WNK2: variants seen among roughly 807,000 people sequenced by gnomAD.
The protein encoded by WNK2 is WNK lysine deficient protein kinase 2.
WNK2 carries 67 observed loss-of-function variants against 192.1 expected under a neutral mutation model. The observed-to-expected ratio is 0.35, with a 90% CI of 0.29 to 0.43. The LOEUF (loss-of-function observed/expected upper bound fraction) is 0.43, where lower values mean the gene tolerates loss of function less well. Among genes scored for constraint, WNK2 ranks in the 20% least tolerant of loss-of-function variants. The pLI, the probability that WNK2 is intolerant of heterozygous loss-of-function variation, is 1.00. For synonymous variants in WNK2, 1,439 were observed against 1,393.9 expected (o/e 1.03, Z -0.72); for missense variants, 2,698 against 3,089.7 (o/e 0.87, Z 3.01).
At chr9:93,228,864 G>T (rs921632504) in intron 2 of WNK2, among the ~76,000 whole-genome samples, 1 of 152,186 alleles carries the variant, frequency 6.6e-6, no homozygotes, top group African/African-American at 2.4e-5. Context: ...GGCGAGGGAT[G>T]GGTGAGCTCA....
intron 25 of WNK2, 59 bp from the exon 26 acceptor site, chr9:93,299,992 G>A (rs751641077): frequency 6.9e-6 from 10 of 1,449,152 alleles, no homozygotes; most frequent in Middle Eastern, 1.7e-4. Flanking sequence ...AGGAGGAATC[G>A]CAGCAACCTG....
chr9:93,318,442 C>G (rs771789174), intron 29 of WNK2: 1 of 1,614,106 alleles, frequency 6.2e-7, no homozygotes, highest in South Asian at 1.1e-5. Flanking sequence ...GCAGGGCACA[C>G]TGGCGGAGCT....
chr9:93,233,483 G>A lies in WNK2; in HGVS notation c.1076-1325G>A, dbSNP rs112631485. 6.6e-4 allele frequency among the ~76,000 whole-genome samples: 100 copies of A among 152,150 alleles called. 1 individual carries two copies. Among genetic ancestry groups the A allele is most frequent in the African/African-American group, 2.1e-3 (89 of 41,520 alleles). ...GGCTGAGGCGGGCGGATCATTTGAG[G>A]TCAGAAGTTCGAGAACAGCCTGACC... On this transcript the variant is annotated intron_variant, in intron 4 of 29. Coordinates refer to ENST00000427277, the MANE Select transcript of WNK2 (RefSeq NM_006648.4).
chr9:93,205,733 G>A (rs1238824025), intron 2 of WNK2, among the ~76,000 whole-genome samples: 1 of 152,220 alleles, frequency 6.6e-6, no homozygotes, highest in Admixed American at 6.5e-5. Context: ...GAAGCTGGGG[G>A]CAGCCTTTGA....
In WNK2 at chr9:93,288,790, T is replaced by A; in HGVS notation, c.4036T>A (p.Ser1346Thr). 1 of 1,609,332 alleles carries A rather than the reference T, an allele frequency of 6.2e-7. No individual in the cohort carries two copies. The highest frequency in any genetic ancestry group is 8.5e-7 in the Non-Finnish European group (1 of 1,178,398). The change falls in exon 20 of 30, where the codon TCA (serine) becomes ACA (threonine). Residue 1346 changes from serine (S) to threonine (T), a missense_variant and splice_region_variant. Physicochemically the swap from Ser to Thr is moderately conservative, Grantham distance 58. This residue lies in a region of WNK2 where 1,098 missense variants were observed against 1,101.0 expected (regional missense o/e 1.00). Coordinates refer to ENST00000427277, the MANE Select transcript of WNK2 (RefSeq NM_006648.4). The stretch of plus-strand genomic sequence containing the variant: ...GGCATTTTCCCCATTTCTTCTAGAT[T>A]CAGCGCCCTATAAAGACCAGCTGTC... ...SSLPPEASQD[S>T]APYKDQLSSK... is the part of the protein sequence containing the mutation.
chr9:93,214,708 C>CA (rs1199428110), intron 2 of WNK2, among the ~76,000 whole-genome samples: 1 of 124,558 alleles, frequency 8.0e-6, no homozygotes, highest in Non-Finnish European at 1.7e-5. Context: ...CCCCCCCCCC[C>CA]CCCGCCCTCT....
rs752342230 is a variant in WNK2 at position 93,185,060 on chromosome 9, G to T, written c.131G>T (p.Arg44Leu). The change falls in exon 2 of 30, where the codon CGC (arginine) becomes CTC (leucine). Residue 44 changes from arginine to leucine, a missense_variant. By Grantham distance (102) the Arg-to-Leu change is moderately radical (BLOSUM62 -2). Coordinates refer to ENST00000427277, the MANE Select transcript of WNK2 (RefSeq NM_006648.4). The stretch of plus-strand genomic sequence containing the variant: ...CCGGGGCCCCAGCGCTTTCTGCGGC[G>T]CAGCGTGGTAGAGTCGGACCAGGAG... ...ARPGPQRFLR[R>L]SVVESDQEEP... The T allele has an allele frequency of 1.9e-5, 25 of 1,304,870 alleles. 1 individual carries two copies. In the South Asian group the frequency reaches 2.9e-4, roughly 15 times the overall value. The allele number at this position is 1,304,870 out of a possible 1,614,324, so 80.8% of individuals were successfully genotyped here. A position where few individuals can be genotyped will look rare whatever the true frequency, so the allele number is the denominator to read the frequency against.
chr9:93,289,145 C>A lies in WNK2; in HGVS notation c.4391C>A (p.Ser1464Ter). ...APCTPAPEAA[S>*]TRDASAPREP... ...TGCACTCCAGCTCCAGAGGCTGCCT[C>A]AACCAGGGACGCCAGTGCCCCAAGG... Residue 1464 changes from serine (S) to a stop codon, truncating the protein, a stop_gained, in exon 20 of 30, where the codon TCA becomes TAA. Coordinates refer to ENST00000427277, the MANE Select transcript of WNK2 (RefSeq NM_006648.4). LOFTEE classifies it high-confidence loss of function. 1 of 1,600,574 alleles carries A rather than the reference C, an allele frequency of 6.2e-7. No individual in the cohort carries two copies. The highest frequency in any genetic ancestry group is 1.1e-5 in the South Asian group (1 of 90,132).
chr9:93,233,979 G>A (rs549349700), intron 4 of WNK2, among the ~76,000 whole-genome samples: 13 of 152,290 alleles, frequency 8.5e-5, no homozygotes, highest in African/African-American at 3.1e-4. Context: ...GCTTATTATA[G>A]AGAATAGAGA....
Position 93,289,971 on chromosome 9 carries a change from T to C in WNK2, c.4867-7T>C, listed in dbSNP as rs113127981. 3.0e-5 allele frequency: 47 copies of C among 1,562,692 alleles called. No homozygotes were observed. In the African/African-American group the frequency reaches 4.7e-4, roughly 16 times the overall value. ...CGGCTCTTCTCTTTTTGTGTTTCTT[T>C]CTCCAGGTGGAGAAGTCAGAACTGG... On this transcript the variant is annotated splice_region_variant and splice_polypyrimidine_tract_variant and intron_variant, in intron 20 of 29. Coordinates refer to ENST00000427277, the MANE Select transcript of WNK2 (RefSeq NM_006648.4).
rs148538806 is a variant in WNK2, at chr9:93,298,850, A to G, written c.5924-220A>G. 5.6e-4 allele frequency among the ~76,000 whole-genome samples: 86 copies of G among 152,252 alleles called. 1 individual carries two copies. The East Asian group carries it at 0.015, about 27-fold the overall frequency. On this transcript the variant is annotated intron_variant, in intron 24 of 29. Transcript: ENST00000427277. Reference sequence around the variant, plus strand: ...TCTTCTGTCACTATATTTGCTCAACACAAGTCCAGCACGGCAGTGGGGGCT... The same window carrying G: ...TCTTCTGTCACTATATTTGCTCAACGCAAGTCCAGCACGGCAGTGGGGGCT...
chr9:93,189,232 A>T (rs779684363), intron 2 of WNK2, among the ~76,000 whole-genome samples: 5 of 152,156 alleles, frequency 3.3e-5, no homozygotes, highest in Non-Finnish European at 5.9e-5. Context: ...TAGGGGACAC[A>T]GGATCTTAGG....
chr9:93,202,939 T>C (rs533540910), intron 2 of WNK2, among the ~76,000 whole-genome samples: 2 of 152,280 alleles, frequency 1.3e-5, no homozygotes, highest in South Asian at 4.1e-4. Context: ...GGACCACATC[T>C]AAGGCCATTT....
In WNK2 at chr9:93,292,827, G is replaced by T; in HGVS notation, c.5362G>T (p.Val1788Leu). ...APSSPDVKLA[V>L]RRAQTASSIE... is the part of the protein sequence containing the mutation. ...CTCCAGCCCCGACGTGAAGCTGGCA[G>T]TGCGGCGGGCGCAGACGGCCTCCTC... Residue 1788 changes from valine to leucine, a missense_variant, in exon 23 of 30, where the codon GTG becomes TTG. By Grantham distance (32) the Val-to-Leu change is conservative. Around this residue, in one of 7 missense-constraint regions of WNK2, gnomAD observed 1,098 missense variants for 1,101.0 expected, o/e 1.00. Transcript: ENST00000427277. 1 of 1,514,966 alleles carries T rather than the reference G, an allele frequency of 6.6e-7. No individual in the cohort carries two copies. The highest frequency in any genetic ancestry group is 1.3e-5 in the South Asian group (1 of 79,596). The allele number at this position is 1,514,966 out of a possible 1,614,324, so 93.8% of individuals were successfully genotyped here.
intron 2 of WNK2, among the ~76,000 whole-genome samples, chr9:93,210,449 G>A (rs1345773375): frequency 1.3e-5 from 2 of 152,094 alleles, no homozygotes; most frequent in African/African-American, 4.8e-5. Flanking sequence ...GAGCGAGTGG[G>A]ACCACACTGT....
chr9:93,312,621 G>A (rs548163818), intron 28 of WNK2, among the ~76,000 whole-genome samples: 2 of 151,888 alleles, frequency 1.3e-5, no homozygotes, highest in Non-Finnish European at 1.5e-5. Flanking sequence ...CTCATGATCC[G>A]CCCGCCTCGG....
rs151187791 is a variant in WNK2, at chr9:93,251,645, G to A, written c.1835-1238G>A. ...GAATTGCTTGAGCCTGGGAGGTCAA[G>A]GCTGTAGTGAGCCGTGATCACACCA... is the stretch of plus-strand genomic sequence containing the variant. On this transcript the variant is annotated intron_variant, in intron 8 of 29. Coordinates refer to ENST00000427277, the MANE Select transcript of WNK2 (RefSeq NM_006648.4). Among the ~76,000 whole-genome samples the A allele has an allele frequency of 4.8e-3, 731 of 152,314 alleles. 24 individuals carry two copies. The East Asian group carries it at 0.093, about 19-fold the overall frequency.
At chr9:93,242,619 G>A (rs1840967543) in intron 7 of WNK2, among the ~76,000 whole-genome samples, 1 of 152,274 alleles carries the variant, frequency 6.6e-6, no homozygotes, top group Admixed American at 6.5e-5. Context: ...TGTAAGCTGA[G>A]GATTGGGATG....
At chr9:93,235,888 C>A (rs1025559174) in intron 5 of WNK2, among the ~76,000 whole-genome samples, 1 of 152,258 alleles carries the variant, frequency 6.6e-6, no homozygotes, top group Non-Finnish European at 1.5e-5. Flanking sequence ...CCCATCCCTC[C>A]ATCCCGAGCC....
Sources: gnomAD v4.1 joint callset for allele counts (sites outside exome capture counted in the v4.1 genomes callset) on GRCh38, gnomAD v4.1.1 for gene constraint, gnomAD v4.1.1 regional missense constraint, MANE v1.5 for transcripts, NCBI Gene and HGNC (gene_info 2026-07-23, HGNC 2026-07-21) for gene names.